The following NR6A1 variants were observed in gnomAD, a reference collection of about 807,000 sequenced individuals.
NR6A1 encodes the protein retinoic acid receptor-related testis-associated receptor.
Under a neutral mutation model 59.1 loss-of-function variants are expected in NR6A1, and 7 were observed. The observed-to-expected ratio is 0.12, with a 90% CI of 0.07 to 0.22. The LOEUF (loss-of-function observed/expected upper bound fraction) is 0.22. Ranked by LOEUF, NR6A1 falls within the 10% of genes least tolerant of loss-of-function variation. NR6A1 has a pLI of 1.00. For missense variants in NR6A1, 468 were observed against 611.6 expected (o/e 0.77, Z 2.48); for synonymous variants, 243 against 236.1 (o/e 1.03, Z -0.27).
intron 2 of NR6A1, among the ~76,000 whole-genome samples, chr9:124,605,534 C>T (rs796423003): frequency 1.2e-4 from 19 of 152,096 alleles, no homozygotes; most frequent in African/African-American, 4.6e-4. Flanking sequence ...ACAAAAAACC[C>T]TCGCATCACT....
At chr9:124,702,673 C>T (rs186257025) in intron 2 of NR6A1, among the ~76,000 whole-genome samples, 58 of 152,152 alleles carry the variant, frequency 3.8e-4, no homozygotes, top group African/African-American at 1.3e-3. Flanking sequence ...GAGCCTGGCA[C>T]CTCCTCCTCT....
intron 1 of NR6A1, among the ~76,000 whole-genome samples, chr9:124,734,464 G>C (rs1400123203): frequency 6.6e-6 from 1 of 152,148 alleles, no homozygotes; most frequent in East Asian, 1.9e-4. Context: ...AGGCCAAAAC[G>C]AGCTGATCAC....
At chr9:124,607,592 T>C (rs1333512155) in intron 2 of NR6A1, 4 of 152,184 alleles carry the variant, frequency 2.6e-5, no homozygotes, top group African/African-American at 9.7e-5. Flanking sequence ...CTTGTCTCAA[T>C]TTCCTCATCT....
chr9:124,676,685 C>G (rs1184640027), intron 2 of NR6A1, among the ~76,000 whole-genome samples: 1 of 152,108 alleles, frequency 6.6e-6, no homozygotes, highest in African/African-American at 2.4e-5. Context: ...AATAAAGAAT[C>G]AGTTTATAGA....
chr9:124,760,039 CAAA>C (rs1174587797), intron 1 of NR6A1, among the ~76,000 whole-genome samples: 1 of 97,190 alleles, frequency 1.0e-5, no homozygotes, highest in Non-Finnish European at 2.1e-5. Context: ...GACTCCATCT[CAAA>C]AAAAAAAAAA....
intron 2 of NR6A1, among the ~76,000 whole-genome samples, chr9:124,682,342 G>A (rs1046979122): frequency 5.9e-5 from 9 of 152,034 alleles, no homozygotes; most frequent in South Asian, 2.1e-4. Context: ...GATCTAGTAC[G>A]GTATCAAAAG....
At chr9:124,545,467 A>G (rs1191585615) in intron 3 of NR6A1, among the ~76,000 whole-genome samples, 3 of 152,192 alleles carry the variant, frequency 2.0e-5, no homozygotes, top group Non-Finnish European at 4.4e-5. Flanking sequence ...GGAGTAAGAA[A>G]CATACATAGC....
intron 6 of NR6A1, among the ~76,000 whole-genome samples, chr9:124,536,881 AG>A (rs1196768638): frequency 6.6e-6 from 1 of 152,182 alleles, no homozygotes; most frequent in Non-Finnish European, 1.5e-5. Context: ...GAACAAGTTC[AG>A]AAGATTTTTC....
intron 2 of NR6A1, among the ~76,000 whole-genome samples, chr9:124,632,211 T>C (rs1836466096): frequency 6.6e-6 from 1 of 152,212 alleles, no homozygotes; most frequent in Admixed American, 6.5e-5. Flanking sequence ...GGTCGAATGG[T>C]GTTACTGTAT....
chr9:124,543,930 T>C, intron 3 of NR6A1, 73 bp from the exon 4 acceptor site: 1 of 1,314,772 alleles, frequency 7.6e-7, no homozygotes, highest in African/African-American at 1.4e-5. Flanking sequence ...AAAGAGAGTT[T>C]ACTTGGCCAA....
chr9:124,671,332 C>T (rs1280435313), intron 2 of NR6A1, among the ~76,000 whole-genome samples: 1 of 152,070 alleles, frequency 6.6e-6, no homozygotes, highest in African/African-American at 2.4e-5. Context: ...TCTATTCAAC[C>T]TCTGAAAAAC....
chr9:124,552,390 C>T (rs545440824), intron 3 of NR6A1, among the ~76,000 whole-genome samples: 25 of 152,248 alleles, frequency 1.6e-4, no homozygotes, highest in African/African-American at 6.0e-4. Flanking sequence ...AACCTGAGTA[C>T]AGGCACAGCA....
At chr9:124,607,868 A>T (rs2130835154) in intron 2 of NR6A1, among the ~76,000 whole-genome samples, 1 of 152,274 alleles carries the variant, frequency 6.6e-6, no homozygotes, top group South Asian at 2.1e-4. Flanking sequence ...AACATAGCGT[A>T]ACCCTGTCTC....
At chr9:124,543,053 C>T (rs932934272) in intron 4 of NR6A1, among the ~76,000 whole-genome samples, 2 of 152,236 alleles carry the variant, frequency 1.3e-5, no homozygotes, top group African/African-American at 4.8e-5. Flanking sequence ...TTGAAGGCCA[C>T]TCCCTAATGA....
intron 2 of NR6A1, chr9:124,692,553 A>G (rs1436550017): frequency 5.9e-6 from 3 of 511,168 alleles, no homozygotes; most frequent in Non-Finnish European, 1.2e-5. Flanking sequence ...GGGTCCTTAC[A>G]GACGACACTA....
chr9:124,694,002 G>T (rs1204933853), intron 2 of NR6A1, among the ~76,000 whole-genome samples: 2 of 152,026 alleles, frequency 1.3e-5, no homozygotes, highest in Non-Finnish European at 2.9e-5. Context: ...TTTATAGGAA[G>T]AATTAAATAC....
chr9:124,697,730 C>A (rs1292712143), intron 2 of NR6A1, among the ~76,000 whole-genome samples: 1 of 151,058 alleles, frequency 6.6e-6, no homozygotes, highest in Non-Finnish European at 1.5e-5. Flanking sequence ...TTTTGGCGTT[C>A]TAGTCATTGT....
At chr9:124,738,929 G>A (rs1840094106) in intron 1 of NR6A1, among the ~76,000 whole-genome samples, 2 of 151,874 alleles carry the variant, frequency 1.3e-5, no homozygotes, top group African/African-American at 4.8e-5. Flanking sequence ...TTGAACCCGG[G>A]AGGCGGAGGT....
At chr9:124,758,895 T>C (rs932680781) in intron 1 of NR6A1, among the ~76,000 whole-genome samples, 1 of 152,220 alleles carries the variant, frequency 6.6e-6, no homozygotes, top group African/African-American at 2.4e-5. Flanking sequence ...TTTTGCCCAA[T>C]TCATTCCATC....
Sources: gnomAD v4.1 joint callset for allele counts (sites outside exome capture counted in the v4.1 genomes callset) on GRCh38, gnomAD v4.1.1 for gene constraint, MANE v1.5 for transcripts, NCBI Gene and HGNC (gene_info 2026-07-23, HGNC 2026-07-21) for gene names.